KCNJ3: variants seen among roughly 807,000 people sequenced by gnomAD.
The protein encoded by KCNJ3 is G protein-activated inward rectifier potassium channel 1.
A neutral mutation model predicts 39.2 loss-of-function variants in KCNJ3; 4 were observed. The observed-to-expected ratio is 0.10, with a 90% CI of 0.05 to 0.23. The LOEUF (loss-of-function observed/expected upper bound fraction) is 0.23, where lower values mean the gene tolerates loss of function less well. KCNJ3 is among the 10% of genes least tolerant of loss of function. The pLI is 1.00. For missense variants in KCNJ3, 276 were observed against 634.9 expected, an observed-to-expected ratio of 0.43 and a Z score of 6.08; for synonymous variants, 230 against 237.4, an observed-to-expected ratio of 0.97 and a Z score of 0.29.
At chr2:154,713,618 T>A (rs1258752965) in intron 2 of KCNJ3, among the ~76,000 whole-genome samples, 1 of 152,214 alleles carries the variant, frequency 6.6e-6, no homozygotes, top group East Asian at 1.9e-4. Context: ...TTTGTTGCCC[T>A]CCTTGCTTCA....
intron 2 of KCNJ3, among the ~76,000 whole-genome samples, chr2:154,827,056 G>A (rs528487129): frequency 3.5e-4 from 54 of 152,162 alleles, no homozygotes; most frequent in African/African-American, 1.2e-3. Context: ...TCCTTGTTTC[G>A]TTTTCTGATT....
chr2:154,748,814 A>C (rs1685790800), intron 2 of KCNJ3, among the ~76,000 whole-genome samples: 1 of 152,108 alleles, frequency 6.6e-6, no homozygotes, highest in Non-Finnish European at 1.5e-5. Context: ...AAATCGTTTC[A>C]CTTGTCTAAT....
intron 2 of KCNJ3, among the ~76,000 whole-genome samples, chr2:154,803,764 T>C (rs1422688414): frequency 1.3e-5 from 2 of 152,018 alleles, no homozygotes; most frequent in Admixed American, 6.6e-5. Context: ...TAAAAATATA[T>C]TGTGGTATGG....
intron 2 of KCNJ3, among the ~76,000 whole-genome samples, chr2:154,839,024 G>A (rs897784097): frequency 6.6e-6 from 1 of 152,074 alleles, no homozygotes; most frequent in Admixed American, 6.5e-5. Context: ...GTATACATGT[G>A]CCATGTTTGT....
chr2:154,843,447 G>T lies in KCNJ3; in HGVS notation c.920-11280G>T, dbSNP rs2937615. Reference sequence around the variant, plus strand: ...TGCTCTTCTCGAGGAGTATCTTTGTGGTGTTCTCTGTATTTCCTGAATTTG... The same window carrying T: ...TGCTCTTCTCGAGGAGTATCTTTGTTGTGTTCTCTGTATTTCCTGAATTTG... On this transcript the variant is annotated intron_variant, in intron 2 of 2. Transcript: ENST00000295101. 3.2e-3 allele frequency among the ~76,000 whole-genome samples: 483 copies of T among 152,154 alleles called. 1 individual carries two copies. The highest frequency in any genetic ancestry group is 0.011 in the African/African-American group (454 of 41,518).
intron 1 of KCNJ3, among the ~76,000 whole-genome samples, chr2:154,701,885 G>A (rs1305049620): frequency 6.6e-6 from 1 of 151,984 alleles, no homozygotes; most frequent in East Asian, 1.9e-4. Context: ...CTTGTTCAAA[G>A]TTAATCTTTC....
chr2:154,832,987 T>A (rs891653358), intron 2 of KCNJ3, among the ~76,000 whole-genome samples: 6 of 152,164 alleles, frequency 3.9e-5, no homozygotes, highest in African/African-American at 1.4e-4. Context: ...ACAACAAAAA[T>A]AGGGTTTGAC....
chr2:154,818,100 G>A (rs1687112555), intron 2 of KCNJ3, among the ~76,000 whole-genome samples: 1 of 152,014 alleles, frequency 6.6e-6, no homozygotes, highest in Non-Finnish European at 1.5e-5. Flanking sequence ...AGAAAAGTTA[G>A]AATAAATATT....
At chr2:154,847,789 A>AGAGAT (rs994703908) in intron 2 of KCNJ3, among the ~76,000 whole-genome samples, 1 of 152,210 alleles carries the variant, frequency 6.6e-6, no homozygotes, top group African/African-American at 2.4e-5. Flanking sequence ...TAAAGCTTAA[A>AGAGAT]GAGATGTATT....
intron 2 of KCNJ3, among the ~76,000 whole-genome samples, chr2:154,814,405 A>T (rs1574472107): frequency 6.6e-6 from 1 of 152,226 alleles, no homozygotes; most frequent in Admixed American, 6.5e-5. Context: ...TGGGAGGCTG[A>T]GGTGGGCAGA....
chr2:154,713,307 C>CA (rs2105154323), intron 2 of KCNJ3, among the ~76,000 whole-genome samples: 1 of 152,198 alleles, frequency 6.6e-6, no homozygotes, highest in Admixed American at 6.5e-5. Context: ...TCTGATGCCT[C>CA]AAAAATGCAC....
intron 2 of KCNJ3, among the ~76,000 whole-genome samples, chr2:154,746,621 T>G (rs1413295570): frequency 1.4e-5 from 2 of 141,860 alleles, no homozygotes; most frequent in African/African-American, 5.7e-5. Context: ...TATATATATA[T>G]ATATATATAT....
At chr2:154,754,887 A>G (rs1037543748) in intron 2 of KCNJ3, among the ~76,000 whole-genome samples, 2 of 152,158 alleles carry the variant, frequency 1.3e-5, no homozygotes, top group Non-Finnish European at 1.5e-5. Context: ...TTAAAGTAGC[A>G]GGTTTTAATT....
chr2:154,737,742 A>G (rs1172687760), intron 2 of KCNJ3, among the ~76,000 whole-genome samples: 4 of 152,186 alleles, frequency 2.6e-5, no homozygotes, highest in Non-Finnish European at 5.9e-5. Context: ...AGACATGGTA[A>G]TGGAGACTAT....
chr2:154,783,806 C>T (rs1352197717), intron 2 of KCNJ3, among the ~76,000 whole-genome samples: 1 of 152,102 alleles, frequency 6.6e-6, no homozygotes, highest in South Asian at 2.1e-4. Flanking sequence ...GCAACTGTTT[C>T]CATTATTCTG....
intron 2 of KCNJ3, among the ~76,000 whole-genome samples, chr2:154,768,399 A>C (rs1446687289): frequency 6.6e-6 from 1 of 152,158 alleles, no homozygotes; most frequent in East Asian, 1.9e-4. Flanking sequence ...TCAGCTTTCT[A>C]CATATGGCTA....
chr2:154,758,144 T>C (rs1279867156), intron 2 of KCNJ3, among the ~76,000 whole-genome samples: 2 of 152,194 alleles, frequency 1.3e-5, no homozygotes, highest in Admixed American at 1.3e-4. Flanking sequence ...TTTCCTATGT[T>C]TAAGCTGAGT....
chr2:154,724,917 G>GTGTATATATATATATATA lies in KCNJ3; in HGVS notation c.919+15099_919+15100insGTATATATATATATATAT, dbSNP rs1484414127. 8.6e-5 allele frequency among the ~76,000 whole-genome samples: 10 copies of GTGTATATATATATATATA among 116,316 alleles called. No individual in the cohort carries two copies. In the East Asian group the frequency reaches 2.0e-3, roughly 23 times the overall value. The allele number at this position is 116,316 out of a possible 152,430, so 76.3% of individuals were successfully genotyped here. On this transcript the variant is annotated intron_variant, in intron 2 of 2. Transcript: ENST00000295101. ...TGTATATATACAAGATACATATGAG[G>GTGTATATATATATATATA]TATATATATATATATATATACCTTT...
chr2:154,717,428 A>G (rs1239764838), intron 2 of KCNJ3, among the ~76,000 whole-genome samples: 1 of 152,164 alleles, frequency 6.6e-6, no homozygotes, highest in Non-Finnish European at 1.5e-5. Context: ...GACTGGAGAC[A>G]GCCCAGTTAT....
Sources: allele counts gnomAD v4.1 joint callset (sites outside exome capture counted in the v4.1 genomes callset), GRCh38; gene constraint gnomAD v4.1.1; transcripts MANE v1.5; gene names NCBI Gene and HGNC (gene_info 2026-07-23, HGNC 2026-07-21).